Variants in ZFP3 observed in about 807,000 individuals in gnomAD.
ZFP3 encodes the protein ZFP3 zinc finger protein, also known as zinc finger protein 3 homolog.
ZFP3 carries 18 observed loss-of-function variants against 36.7 expected under a neutral mutation model. The ratio of observed to expected loss-of-function variants is 0.49; its 90% confidence interval spans 0.34 to 0.73. The LOEUF is 0.73. Among genes scored for constraint, ZFP3 ranks in the 30% least tolerant of loss-of-function variants. ZFP3 has a pLI of 0.01. For synonymous variants in ZFP3, 218 were observed against 199.0 expected (o/e 1.10, Z -0.81); for missense variants, 495 against 599.0 (o/e 0.83, Z 1.81).
In ZFP3 at chr17:5,092,725, C is replaced by T. The variant is rs1327824328; in HGVS notation, c.1221C>T (p.His407=). 2 of 1,613,992 alleles carry T rather than the reference C, an allele frequency of 1.2e-6. No homozygotes were observed. The highest frequency in any genetic ancestry group is 2.2e-5 in the South Asian group (2 of 91,078). The change falls in exon 2 of 2, where the codon CAC becomes CAT. Residue 407 remains histidine (H), a synonymous_variant. Coordinates refer to ENST00000318833, the MANE Select transcript of ZFP3 (RefSeq NM_153018.3). This position sits in a 1 kb window ranked among gnomAD's most constrained non-coding sequence, Gnocchi z 5.0. ...ECGKAFRRTS[H]LIVHQRIHTG... ...GAAAGGCTTTCAGGCGGACCTCTCACCTTATTGTCCACCAGAGAATTCATA... is the reference window on the plus strand; with the variant it reads ...GAAAGGCTTTCAGGCGGACCTCTCATCTTATTGTCCACCAGAGAATTCATA...
intron 1 of ZFP3, among the ~76,000 whole-genome samples, chr17:5,081,930 G>A (rs544341679): frequency 2.0e-3 from 279 of 143,074 alleles, no homozygotes; most frequent in African/African-American, 6.3e-3. Context: ...GAAAGACACC[G>A]GCCAGGCATG....
At chr17:5,080,542 T>G (rs952998857) in intron 1 of ZFP3, among the ~76,000 whole-genome samples, 1 of 152,180 alleles carries the variant, frequency 6.6e-6, no homozygotes, top group African/African-American at 2.4e-5. Flanking sequence ...TTTCTCATCA[T>G]AAATTTTAAT....
chr17:5,084,706 C>G (rs1378150560), intron 1 of ZFP3, among the ~76,000 whole-genome samples: 1 of 152,154 alleles, frequency 6.6e-6, no homozygotes, highest in Non-Finnish European at 1.5e-5. Context: ...AACTGAGGAC[C>G]AGTGGTCAAC....
rs138391072 is a variant in ZFP3, at chr17:5,079,981, G to A, written c.-9+1406G>A. ...CTGAGCCTGGGAGGCGGAGGTTGCG[G>A]TGAGCCAAGATTGCGCCATTGCACT... On this transcript the variant is annotated intron_variant, in intron 1 of 1. Transcript: ENST00000318833. 2.6e-4 allele frequency among the ~76,000 whole-genome samples: 39 copies of A among 152,266 alleles called. No individual in the cohort carries two copies. In the East Asian group the frequency reaches 6.2e-3, roughly 24 times the overall value.
Position 5,093,324 on chromosome 17 carries a change from C to G in ZFP3, c.*311C>G. 3.6e-6 allele frequency: 1 copy of G among 278,906 alleles called. No individual in the cohort carries two copies. Among genetic ancestry groups the G allele is most frequent in the Admixed American group, 4.8e-5 (1 of 20,800 alleles). 17.3% of individuals were successfully genotyped at this position (278,906 alleles called of 1,614,324 possible). A position where few individuals can be genotyped will look rare whatever the true frequency, so the allele number is the denominator to read the frequency against. ...TTCCAAATAGCTAGGACTGCAGGCA[C>G]TAATGAGGCACTTTTATGAATTATT... On this transcript the variant is annotated 3_prime_UTR_variant, in exon 2 of 2. Coordinates refer to ENST00000318833, the MANE Select transcript of ZFP3 (RefSeq NM_153018.3).
At chr17:5,079,014 A>T (rs1243859410) in intron 1 of ZFP3, among the ~76,000 whole-genome samples, 4 of 152,198 alleles carry the variant, frequency 2.6e-5, no homozygotes, top group Admixed American at 1.3e-4. Context: ...GGTGGTCGTG[A>T]AAAGGAGACA....
At chr17:5,084,842 A>C (rs1258233350) in intron 1 of ZFP3, among the ~76,000 whole-genome samples, 3 of 152,234 alleles carry the variant, frequency 2.0e-5, no homozygotes, top group Non-Finnish European at 4.4e-5. Flanking sequence ...AATTTAGGCT[A>C]TGAGAAGTGG....
chr17:5,081,527 A>C (rs1446448455), intron 1 of ZFP3, among the ~76,000 whole-genome samples: 1 of 152,166 alleles, frequency 6.6e-6, no homozygotes, highest in African/African-American at 2.4e-5. Context: ...CTGCTTAAGA[A>C]TGGGCCTGTG....
chr17:5,081,257 C>T (rs1271223923), intron 1 of ZFP3, among the ~76,000 whole-genome samples: 5 of 151,992 alleles, frequency 3.3e-5, no homozygotes, highest in Non-Finnish European at 7.4e-5. Flanking sequence ...CCACACCTGG[C>T]TAATTTTTGT....
intron 1 of ZFP3, among the ~76,000 whole-genome samples, chr17:5,081,587 CATTTTATTTTATTTT>C (rs200139312): frequency 2.7e-5 from 4 of 149,982 alleles, no homozygotes; most frequent in African/African-American, 7.4e-5. Flanking sequence ...TTCTTTTCTT[CATTTTATTTTATTTT>C]ATTTTATTTT....
chr17:5,091,391 T>A, intron 1 of ZFP3, 106 bp from the exon 2 acceptor site: 1 of 1,242,812 alleles, frequency 8.0e-7, no homozygotes. Flanking sequence ...TGACCAAGAC[T>A]GTTTCTGAGT....
Position 5,095,413 on chromosome 17 carries a change from C to G in ZFP3, c.*2400C>G, listed in dbSNP as rs140445235. The stretch of plus-strand genomic sequence containing the variant: ...AGCACAAATTGAATTGTGCCCAGAC[C>G]GTATCTTTCTCACATGAAACCTGGA... On this transcript the variant is annotated 3_prime_UTR_variant, in exon 2 of 2. Coordinates refer to ENST00000318833, the MANE Select transcript of ZFP3 (RefSeq NM_153018.3). 3 of 166,974 alleles carry G rather than the reference C, an allele frequency of 1.8e-5. No homozygotes were observed. The highest frequency in any genetic ancestry group is 4.4e-5 in the Non-Finnish European group (3 of 68,118). 10.3% of individuals were successfully genotyped at this position (166,974 alleles called of 1,614,324 possible). A position where few individuals can be genotyped will look rare whatever the true frequency, so the allele number is the denominator to read the frequency against.
At chr17:5,087,367 C>T (rs1037251290) in intron 1 of ZFP3, among the ~76,000 whole-genome samples, 5 of 152,132 alleles carry the variant, frequency 3.3e-5, no homozygotes, top group Non-Finnish European at 5.9e-5. Flanking sequence ...CGTGAGCCAC[C>T]GTTCCTAGCC....
rs2072150640 is a variant in ZFP3, at chr17:5,091,684, G to A, written c.180G>A (p.Glu60=). The A allele has an allele frequency of 6.2e-7, 1 of 1,614,236 alleles. No homozygotes were observed. The highest frequency in any genetic ancestry group is 8.5e-7 in the Non-Finnish European group (1 of 1,180,050). The part of the protein sequence containing the change: ...HSRESMEEVI[E]QMSPQERDFP... Reference sequence around the variant, plus strand: ...GAGAGTCCATGGAAGAGGTTATAGAGCAGATGTCTCCTCAGGAGAGAGACT... The same window carrying A: ...GAGAGTCCATGGAAGAGGTTATAGAACAGATGTCTCCTCAGGAGAGAGACT... Residue 60 remains glutamate, a synonymous_variant, in exon 2 of 2, where the codon GAG becomes GAA. Transcript: ENST00000318833.
chr17:5,082,293 G>A (rs1425196130), intron 1 of ZFP3, among the ~76,000 whole-genome samples: 3 of 151,876 alleles, frequency 2.0e-5, no homozygotes, highest in Non-Finnish European at 4.4e-5. Context: ...GTTGCAGTGA[G>A]CCAAGATCAC....
chr17:5,080,652 T>G (rs1322527438), intron 1 of ZFP3, among the ~76,000 whole-genome samples: 1 of 152,178 alleles, frequency 6.6e-6, no homozygotes, highest in Non-Finnish European at 1.5e-5. Flanking sequence ...TTACCTTCCC[T>G]TGGAGCACAA....
Position 5,092,091 on chromosome 17 carries a change from C to G in ZFP3, c.587C>G (p.Pro196Arg). 1 of 1,614,162 alleles carries G rather than the reference C, an allele frequency of 6.2e-7. No individual in the cohort carries two copies. Among genetic ancestry groups the G allele is most frequent in the Non-Finnish European group, 8.5e-7 (1 of 1,180,032 alleles). The part of the protein sequence containing the change: ...RHLRIHAGEK[P>R]FACNECGKAF... ...CTGAGAATTCATGCTGGAGAAAAAC[C>G]CTTTGCTTGTAATGAATGTGGAAAG... The change falls in exon 2 of 2, where the codon CCC becomes CGC. Residue 196 changes from proline to arginine, a missense_variant. Physicochemically the swap from Pro to Arg is moderately radical, Grantham distance 103. Around this residue, in one of 3 missense-constraint regions of ZFP3, gnomAD observed 229 missense variants for 233.8 expected, o/e 0.98. Transcript: ENST00000318833. This position sits in a 1 kb window ranked among gnomAD's most constrained non-coding sequence, Gnocchi z 5.0.
intron 1 of ZFP3, among the ~76,000 whole-genome samples, chr17:5,083,568 T>C (rs1248066510): frequency 6.6e-6 from 1 of 151,392 alleles, no homozygotes; most frequent in African/African-American, 2.4e-5. Context: ...AAAGACTTTG[T>C]AACAGTGGTT....
chr17:5,092,725 C>A lies in ZFP3; in HGVS notation c.1221C>A (p.His407Gln), dbSNP rs1327824328. 3 of 1,613,874 alleles carry A rather than the reference C, an allele frequency of 1.9e-6. No individual in the cohort carries two copies. The highest frequency in any genetic ancestry group is 1.3e-5 in the African/African-American group (1 of 74,850). ...GAAAGGCTTTCAGGCGGACCTCTCA[C>A]CTTATTGTCCACCAGAGAATTCATA... ...ECGKAFRRTS[H>Q]LIVHQRIHTG... Residue 407 changes from histidine to glutamine, a missense_variant, in exon 2 of 2, where the codon CAC becomes CAA. Coordinates refer to ENST00000318833, the MANE Select transcript of ZFP3 (RefSeq NM_153018.3). The surrounding 1 kb of genome is among the most constrained non-coding windows in gnomAD (Gnocchi z 5.0).
Sources: allele counts gnomAD v4.1 joint callset (sites outside exome capture counted in the v4.1 genomes callset), GRCh38; gene constraint gnomAD v4.1.1; regional missense constraint gnomAD v4.1.1; non-coding constraint Gnocchi (gnomAD v3.1); transcripts MANE v1.5; gene names NCBI Gene and HGNC (gene_info 2026-07-23, HGNC 2026-07-21).